GPC5: variants seen among roughly 807,000 people sequenced by gnomAD.
The protein encoded by GPC5 is glypican-5.
Under a neutral mutation model 53.9 loss-of-function variants are expected in GPC5, and 47 were observed. That is an observed-to-expected ratio of 0.87 (90% CI 0.69 to 1.11). The LOEUF is 1.11. GPC5 is among the 50% of genes most tolerant of loss of function. GPC5 has a pLI of 0.00. For missense variants in GPC5, 748 were observed against 713.1 expected (o/e 1.05, Z -0.56); for synonymous variants, 286 against 263.3 (o/e 1.09, Z -0.84).
rs73618501 is a variant in GPC5, at chr13:91,976,587, C to T, written c.1401+68530C>T. Among the ~76,000 whole-genome samples the T allele has an allele frequency of 4.1e-3, 622 of 152,232 alleles. 5 individuals carry two copies. The highest frequency in any genetic ancestry group is 0.014 in the African/African-American group (588 of 41,544). Reference sequence around the variant, plus strand: ...GGAAGAGGAGTTGGTCAACAGGAAGCAGGAGGTTGGTTTGGGAATTATGAC... The same window carrying T: ...GGAAGAGGAGTTGGTCAACAGGAAGTAGGAGGTTGGTTTGGGAATTATGAC... On this transcript the variant is annotated intron_variant, in intron 6 of 7. Transcript: ENST00000377067.
chr13:92,519,813 C>T (rs1489522074), intron 7 of GPC5, among the ~76,000 whole-genome samples: 1 of 152,082 alleles, frequency 6.6e-6, no homozygotes, highest in African/African-American at 2.4e-5. Context: ...ACACAAAAAA[C>T]CCTTCAAAAA....
At chr13:92,502,929 C>T (rs1039186584) in intron 7 of GPC5, among the ~76,000 whole-genome samples, 1 of 151,864 alleles carries the variant, frequency 6.6e-6, no homozygotes, top group Non-Finnish European at 1.5e-5. Context: ...CCAAGAGCGC[C>T]CATATTCTGG....
At chr13:91,643,429 A>G (rs1594371482) in intron 2 of GPC5, among the ~76,000 whole-genome samples, 1 of 152,204 alleles carries the variant, frequency 6.6e-6, no homozygotes, top group South Asian at 2.1e-4. Flanking sequence ...GAGATATGCT[A>G]TGATGTAAAA....
intron 7 of GPC5, among the ~76,000 whole-genome samples, chr13:92,411,189 G>T (rs1382999963): frequency 6.6e-6 from 1 of 152,178 alleles, no homozygotes; most frequent in Admixed American, 6.5e-5. Flanking sequence ...AGAATCACTT[G>T]AGCCTGGGAG....
intron 6 of GPC5, among the ~76,000 whole-genome samples, chr13:92,042,210 G>A (rs1045208882): frequency 3.9e-4 from 60 of 152,184 alleles, no homozygotes; most frequent in Non-Finnish European, 7.8e-4. Context: ...TTCCCTATCC[G>A]TGGAACTTAA....
In GPC5 at chr13:91,883,909, A is replaced by G. The variant is rs1422751346; in HGVS notation, c.1281-24028A>G. On this transcript the variant is annotated intron_variant, in intron 5 of 7. Transcript: ENST00000377067. ...CCACATAGTAAACCTGTTACCCACT[A>G]GTTGTTTTTCCTGATCCTCTCCCTC... Among the ~76,000 whole-genome samples, 3 of 152,046 alleles carry G rather than the reference A, an allele frequency of 2.0e-5. No homozygotes were observed. The East Asian group carries it at 5.8e-4, about 29-fold the overall frequency.
intron 7 of GPC5, among the ~76,000 whole-genome samples, chr13:92,534,047 G>A (rs1328346867): frequency 6.6e-6 from 1 of 152,082 alleles, no homozygotes; most frequent in Non-Finnish European, 1.5e-5. Context: ...AGCACTTTGG[G>A]AAGCTTAAGT....
chr13:92,052,117 C>T (rs1229982050), intron 6 of GPC5, among the ~76,000 whole-genome samples: 1 of 152,132 alleles, frequency 6.6e-6, no homozygotes, highest in African/African-American at 2.4e-5. Context: ...AGTGACATCC[C>T]ATTAAAATTG....
At chr13:91,692,897 G>C (rs1267290474) in intron 2 of GPC5, among the ~76,000 whole-genome samples, 1 of 152,178 alleles carries the variant, frequency 6.6e-6, no homozygotes, top group Non-Finnish European at 1.5e-5. Context: ...ACCTCCCTCG[G>C]CTTCCCAAAG....
At position 92,663,846 on chromosome 13, in the gene GPC5, CACACACACACTATATATA is replaced by C. The variant is rs1566350965; in HGVS notation, c.1562-202435_1562-202418del. Among the ~76,000 whole-genome samples, 213 of 115,712 alleles carry C rather than the reference CACACACACACTATATATA, an allele frequency of 1.8e-3. 4 individuals are homozygous for C. Among genetic ancestry groups the C allele is most frequent in the African/African-American group, 6.9e-3 (199 of 28,930 alleles). 75.9% of individuals were successfully genotyped at this position (115,712 alleles called of 152,430 possible). ...TATATACACACACTATATATATATA[CACACACACACTATATATA>C]TATATATATATATATATATATATAT... On this transcript the variant is annotated intron_variant, in intron 7 of 7. Coordinates refer to ENST00000377067, the MANE Select transcript of GPC5 (RefSeq NM_004466.6).
chr13:92,299,149 T>C (rs1202615097), intron 7 of GPC5, among the ~76,000 whole-genome samples: 1 of 152,214 alleles, frequency 6.6e-6, no homozygotes, highest in Non-Finnish European at 1.5e-5. Context: ...ATACGTGATG[T>C]ATGTCACTCC....
chr13:91,849,821 A>G (rs2138888467), intron 5 of GPC5, among the ~76,000 whole-genome samples: 1 of 152,320 alleles, frequency 6.6e-6, no homozygotes, highest in Non-Finnish European at 1.5e-5. Flanking sequence ...TTTTTATTTT[A>G]CTAACTCTGA....
At chr13:92,676,155 A>G (rs1304000676) in intron 7 of GPC5, among the ~76,000 whole-genome samples, 2 of 152,174 alleles carry the variant, frequency 1.3e-5, no homozygotes, top group African/African-American at 4.8e-5. Flanking sequence ...GACCAAGACT[A>G]TAGATGTAGC....
intron 7 of GPC5, among the ~76,000 whole-genome samples, chr13:92,608,666 A>C (rs1253623365): frequency 6.6e-6 from 1 of 152,186 alleles, no homozygotes; most frequent in Non-Finnish European, 1.5e-5. Context: ...AAAAGCATTC[A>C]CCTATCCCTG....
At chr13:92,518,137 C>G (rs1880869001) in intron 7 of GPC5, among the ~76,000 whole-genome samples, 1 of 152,096 alleles carries the variant, frequency 6.6e-6, no homozygotes, top group Non-Finnish European at 1.5e-5. Flanking sequence ...GTGAAAAGAC[C>G]AAATCTACGT....
At chr13:92,594,872 C>A (rs1404151224) in intron 7 of GPC5, among the ~76,000 whole-genome samples, 1 of 152,136 alleles carries the variant, frequency 6.6e-6, no homozygotes, top group Non-Finnish European at 1.5e-5. Context: ...CCCAGTACAT[C>A]TTATTATTTG....
At chr13:92,809,141 G>T (rs1877204583) in intron 7 of GPC5, among the ~76,000 whole-genome samples, 1 of 151,988 alleles carries the variant, frequency 6.6e-6, no homozygotes, top group South Asian at 2.1e-4. Flanking sequence ...TCAGAAGAAT[G>T]GACAGTTACT....
intron 2 of GPC5, among the ~76,000 whole-genome samples, chr13:91,584,022 G>A (rs1187627127): frequency 6.6e-6 from 1 of 152,128 alleles, no homozygotes; most frequent in African/African-American, 2.4e-5. Flanking sequence ...AAGCCATCAA[G>A]AGGCCCAAAT....
intron 7 of GPC5, among the ~76,000 whole-genome samples, chr13:92,751,306 A>AAAAAAAAAAAAAAAAAAAAAAAAAAAAC: frequency 8.9e-6 from 1 of 112,148 alleles, no homozygotes; most frequent in Non-Finnish European, 1.6e-5. Flanking sequence ...AAACATTTAA[A>AAAAAAAAAAAAAAAAAAAAAAAAAAAAC]AAAAAAAAAA....
Sources: gnomAD v4.1 joint callset for allele counts (sites outside exome capture counted in the v4.1 genomes callset) on GRCh38, gnomAD v4.1.1 for gene constraint, MANE v1.5 for transcripts, NCBI Gene and HGNC (gene_info 2026-07-23, HGNC 2026-07-21) for gene names.